Variants in SLC9A9 observed in about 807,000 individuals in gnomAD.
SLC9A9 encodes the protein solute carrier family 9 member A9.
A neutral mutation model predicts 77.8 loss-of-function variants in SLC9A9; 62 were observed. The observed-to-expected ratio is 0.80, with a 90% CI of 0.65 to 0.98. The LOEUF is 0.98. Ranked by LOEUF, SLC9A9 falls within the 50% of genes least tolerant of loss-of-function variation. The pLI, the probability that SLC9A9 is intolerant of heterozygous loss-of-function variation, is 0.00. For synonymous variants in SLC9A9, 320 were observed against 283.5 expected (o/e 1.13, Z -1.29); for missense variants, 775 against 774.9 (o/e 1.00, Z 0.00).
At chr3:143,461,398 T>C (rs531723378) in intron 12 of SLC9A9, among the ~76,000 whole-genome samples, 43 of 152,298 alleles carry the variant, frequency 2.8e-4, no homozygotes, top group African/African-American at 1.0e-3. Flanking sequence ...AATAATAGTT[T>C]ATATGTGTAT....
At chr3:143,305,987 G>C (rs575172995) in intron 14 of SLC9A9, among the ~76,000 whole-genome samples, 1 of 152,270 alleles carries the variant, frequency 6.6e-6, no homozygotes, top group African/African-American at 2.4e-5. Context: ...CTAATTGACA[G>C]TTTAAGCAGA....
intron 11 of SLC9A9, among the ~76,000 whole-genome samples, chr3:143,484,700 T>G (rs1169773325): frequency 6.6e-6 from 1 of 152,180 alleles, no homozygotes; most frequent in African/African-American, 2.4e-5. Flanking sequence ...TGATTTTGAT[T>G]TAACTTTTGT....
chr3:143,601,891 T>TC (rs1203919612), intron 6 of SLC9A9, among the ~76,000 whole-genome samples: 1 of 148,496 alleles, frequency 6.7e-6, no homozygotes, highest in Non-Finnish European at 1.5e-5. Context: ...TGTTCCAACA[T>TC]CCCCCCTCTA....
At chr3:143,637,150 A>G (rs534409718) in intron 6 of SLC9A9, among the ~76,000 whole-genome samples, 15 of 152,204 alleles carry the variant, frequency 9.9e-5, no homozygotes, top group Non-Finnish European at 8.8e-5. Context: ...AAATTCTAAA[A>G]TGACAGATAA....
At chr3:143,781,990 A>G (rs1312635008) in intron 4 of SLC9A9, among the ~76,000 whole-genome samples, 3 of 152,190 alleles carry the variant, frequency 2.0e-5, no homozygotes, top group East Asian at 3.8e-4. Flanking sequence ...CACCTCCCAC[A>G]CTGGAAGCGC....
intron 4 of SLC9A9, among the ~76,000 whole-genome samples, chr3:143,762,042 G>A (rs1305637289): frequency 2.6e-5 from 4 of 152,154 alleles, no homozygotes; most frequent in Non-Finnish European, 5.9e-5. Context: ...TCCTTTGTAG[G>A]GACATGAATG....
At chr3:143,749,062 A>C (rs1006301595) in intron 4 of SLC9A9, among the ~76,000 whole-genome samples, 2 of 152,144 alleles carry the variant, frequency 1.3e-5, no homozygotes, top group African/African-American at 4.8e-5. Flanking sequence ...ATTTTGCTTC[A>C]TGAATAATAC....
chr3:143,765,821 C>T, intron 4 of SLC9A9, among the ~76,000 whole-genome samples: 1 of 152,198 alleles, frequency 6.6e-6, no homozygotes, highest in Non-Finnish European at 1.5e-5. Flanking sequence ...ACTGTAGCCT[C>T]AGGCATGTAG....
intron 9 of SLC9A9, among the ~76,000 whole-genome samples, chr3:143,495,722 A>G (rs143300993): frequency 2.0e-5 from 3 of 152,312 alleles, no homozygotes; most frequent in Non-Finnish European, 2.9e-5. Flanking sequence ...CCATGGAACA[A>G]TTCCTACTAA....
chr3:143,772,596 A>T lies in SLC9A9; in HGVS notation c.533+22405T>A, dbSNP rs78998242. 2.1e-3 allele frequency among the ~76,000 whole-genome samples: 317 copies of T among 152,264 alleles called. 2 individuals are homozygous for T. The highest frequency in any genetic ancestry group is 7.3e-3 in the African/African-American group (304 of 41,532). On this transcript the variant is annotated intron_variant, in intron 4 of 15. Transcript: ENST00000316549. ...GAAGCACAAGCTGGTCCGGGAAGGA[A>T]CTGTAGCCACTACCATAGCACTTAA... is the stretch of plus-strand genomic sequence containing the variant.
At chr3:143,586,562 A>G (rs1025110452) in intron 6 of SLC9A9, among the ~76,000 whole-genome samples, 1 of 152,226 alleles carries the variant, frequency 6.6e-6, no homozygotes, top group Non-Finnish European at 1.5e-5. Context: ...TGCCTTAAAA[A>G]AAAGAAGTGG....
chr3:143,795,048 A>G lies in SLC9A9; in HGVS notation c.486T>C (p.Ile162=), dbSNP rs746001404. 6.2e-7 allele frequency: 1 copy of G among 1,613,836 alleles called. No homozygotes were observed. The highest frequency in any genetic ancestry group is 2.2e-5 in the East Asian group (1 of 44,876). ...CAGTTCCCAAGAAGGCATACGTTAA[A>G]ATAGATCCTAAGTTTTGAAAAAAGT... is the stretch of plus-strand genomic sequence containing the variant. ...KRHFFQNLGS[I]LTYAFLGTAI... The change falls in exon 4 of 16, where the codon ATT becomes ATC. Residue 162 remains isoleucine (I), a synonymous_variant. Transcript: ENST00000316549.
rs111537056 is a variant in SLC9A9 at position 143,481,095 on chromosome 3, A to T, written c.1315+12558T>A. Among the ~76,000 whole-genome samples the T allele has an allele frequency of 9.6e-4, 147 of 152,342 alleles. 2 individuals are homozygous for T. Among genetic ancestry groups the T allele is most frequent in the African/African-American group, 3.3e-3 (138 of 41,582 alleles). On this transcript the variant is annotated intron_variant, in intron 11 of 15. Coordinates refer to ENST00000316549, the MANE Select transcript of SLC9A9 (RefSeq NM_173653.4). ...TCACCTATTTATATACCAAATATTT[A>T]TAGAAGCCTACTCACCTTCAAGTAG...
chr3:143,331,462 G>C (rs891244279), intron 14 of SLC9A9, among the ~76,000 whole-genome samples: 2 of 152,150 alleles, frequency 1.3e-5, no homozygotes, highest in Non-Finnish European at 2.9e-5. Flanking sequence ...GTTGAATAGG[G>C]AACAAAACAG....
At chr3:143,813,516 G>A (rs1272706424) in intron 2 of SLC9A9, among the ~76,000 whole-genome samples, 1 of 152,180 alleles carries the variant, frequency 6.6e-6, no homozygotes, top group East Asian at 1.9e-4. Flanking sequence ...TAGCCTGCTT[G>A]ATGAGTGAAT....
At chr3:143,298,078 T>G (rs1212398175) in intron 14 of SLC9A9, among the ~76,000 whole-genome samples, 2 of 152,250 alleles carry the variant, frequency 1.3e-5, no homozygotes, top group Non-Finnish European at 2.9e-5. Flanking sequence ...GGCTTTTTTA[T>G]TGCATGAATG....
chr3:143,599,366 CT>C (rs1476409871), intron 6 of SLC9A9, among the ~76,000 whole-genome samples: 4 of 151,982 alleles, frequency 2.6e-5, no homozygotes, highest in Non-Finnish European at 5.9e-5. Flanking sequence ...AGGACTTTTC[CT>C]GGAAAGCATA....
chr3:143,706,007 G>C (rs4240552), intron 4 of SLC9A9, among the ~76,000 whole-genome samples: 100,579 of 152,076 alleles, frequency 0.66, 33,581 homozygotes, highest in African/African-American at 0.69. Flanking sequence ...TTTACTTGCA[G>C]ACTTAAGAAA....
chr3:143,395,990 C>T (rs1369063546), intron 12 of SLC9A9, among the ~76,000 whole-genome samples: 1 of 152,188 alleles, frequency 6.6e-6, no homozygotes, highest in African/African-American at 2.4e-5. Context: ...AACACTTTTA[C>T]ACTGTTGGTG....
Sources: gnomAD v4.1 joint callset for allele counts (sites outside exome capture counted in the v4.1 genomes callset) on GRCh38, gnomAD v4.1.1 for gene constraint, MANE v1.5 for transcripts, NCBI Gene and HGNC (gene_info 2026-07-23, HGNC 2026-07-21) for gene names.